DDX52: variants seen among roughly 807,000 people sequenced by gnomAD.
DDX52 encodes DExD-box helicase 52.
In DDX52, 59 loss-of-function variants were observed where a neutral mutation model predicts 76.1. The ratio of observed to expected loss-of-function variants is 0.78; its 90% confidence interval spans 0.63 to 0.96. The LOEUF (loss-of-function observed/expected upper bound fraction) is 0.96. Ranked by LOEUF, DDX52 falls within the 40% of genes least tolerant of loss-of-function variation. DDX52 has a pLI of 0.00. For missense variants in DDX52, 707 were observed against 703.9 expected (o/e 1.00, Z -0.05); for synonymous variants, 231 against 244.1 (o/e 0.95, Z 0.50).
Position 37,642,218 on chromosome 17 carries a change from C to T in DDX52, c.178G>A (p.Gly60Arg). Residue 60 changes from glycine to arginine, a missense_variant, in exon 2 of 15, where the codon GGA becomes AGA. Transcript: ENST00000617633. The part of the protein sequence containing the change: ...GNKKSVPGVC[G>R]ASQTHQKPQN... ...GGCTTCTGATGTGTTTGTGATGCTCCACACACACCTGGGACAGACTTCTTG... is the reference window on the plus strand; with the variant it reads ...GGCTTCTGATGTGTTTGTGATGCTCTACACACACCTGGGACAGACTTCTTG... 6.2e-7 allele frequency: 1 copy of T among 1,614,014 alleles called. No homozygotes were observed. Among genetic ancestry groups the T allele is most frequent in the South Asian group, 1.1e-5 (1 of 91,076 alleles).
chr17:37,618,417 T>C, intron 13 of DDX52, 33 bp from the exon 14 acceptor site: 1 of 1,506,716 alleles, frequency 6.6e-7, no homozygotes, highest in Non-Finnish European at 9.0e-7. Context: ...GGAAAAGAAT[T>C]AAGTGCAACT....
rs181850590 is a variant in DDX52, at chr17:37,610,333, C to T, written c.*3963G>A. 1 of 108,600 alleles carries T rather than the reference C, an allele frequency of 9.2e-6. No individual in the cohort carries two copies. The highest frequency in any genetic ancestry group is 3.2e-4 in the East Asian group (1 of 3,160). 6.7% of individuals were successfully genotyped at this position (108,600 alleles called of 1,614,324 possible). A position where few individuals can be genotyped will look rare whatever the true frequency, so the allele number is the denominator to read the frequency against. Reference sequence around the variant, plus strand: ...TTTTTTTTTTTTGTAGAGATAGGATCTATGTTGCCCAGGCTAGTTTCAAAC... The same window carrying T: ...TTTTTTTTTTTTGTAGAGATAGGATTTATGTTGCCCAGGCTAGTTTCAAAC... On this transcript the variant is annotated 3_prime_UTR_variant, in exon 15 of 15. Coordinates refer to ENST00000617633, the MANE Select transcript of DDX52 (RefSeq NM_007010.5).
At chr17:37,641,026 A>C (rs2031169689) in intron 2 of DDX52, among the ~76,000 whole-genome samples, 1 of 152,126 alleles carries the variant, frequency 6.6e-6, no homozygotes, top group South Asian at 2.1e-4. Flanking sequence ...AACCTCTGTC[A>C]AAATGGGCAA....
chr17:37,639,281 C>T (rs1050634184), intron 2 of DDX52, among the ~76,000 whole-genome samples: 1 of 151,918 alleles, frequency 6.6e-6, no homozygotes, highest in African/African-American at 2.4e-5. Flanking sequence ...ACAACGTACA[C>T]GAAGAGACAA....
chr17:37,629,035 T>C (rs2030538071), intron 5 of DDX52, among the ~76,000 whole-genome samples: 1 of 151,894 alleles, frequency 6.6e-6, no homozygotes, highest in Non-Finnish European at 1.5e-5. Flanking sequence ...CTGGCCAACG[T>C]GGTAAAACCC....
At chr17:37,627,709 GAAAA>G (rs10673620) in intron 6 of DDX52, among the ~76,000 whole-genome samples, 1 of 131,348 alleles carries the variant, frequency 7.6e-6, no homozygotes, top group Admixed American at 7.6e-5. Flanking sequence ...AAAACAAAAA[GAAAA>G]AAAAAAAAAA....
At chr17:37,623,371 G>A (rs1218491350) in intron 9 of DDX52, among the ~76,000 whole-genome samples, 8 of 150,828 alleles carry the variant, frequency 5.3e-5, no homozygotes, top group Admixed American at 5.3e-4. Context: ...CTTGCAGTGA[G>A]CCAAGATGAC....
At chr17:37,629,227 A>C (rs1288117985) in intron 5 of DDX52, among the ~76,000 whole-genome samples, 1 of 88,348 alleles carries the variant, frequency 1.1e-5, no homozygotes, top group Admixed American at 1.4e-4. Context: ...CCAAGAAAAA[A>C]TACACACACA....
intron 6 of DDX52, 74 bp from the exon 7 acceptor site, chr17:37,626,934 A>G (rs1339172003): frequency 1.7e-6 from 2 of 1,194,666 alleles, no homozygotes; most frequent in Non-Finnish European, 2.4e-6. Context: ...AAGCCTCCTC[A>G]ACTTCAGTTA....
At chr17:37,636,638 C>A (rs2030941362) in intron 2 of DDX52, among the ~76,000 whole-genome samples, 1 of 152,178 alleles carries the variant, frequency 6.6e-6, no homozygotes, top group South Asian at 2.1e-4. Flanking sequence ...CAAGAACAAA[C>A]TCCAAATTTA....
At chr17:37,634,351 G>GC (rs961586625) in intron 2 of DDX52, among the ~76,000 whole-genome samples, 11 of 151,844 alleles carry the variant, frequency 7.2e-5, no homozygotes. Context: ...GCAATGAACG[G>GC]CCAGGTGCGG....
In DDX52 at chr17:37,611,824, G is replaced by C. The variant is rs1321567082; in HGVS notation, c.*2472C>G. 1.3e-5 allele frequency: 2 copies of C among 150,816 alleles called. No individual in the cohort carries two copies. Among genetic ancestry groups the C allele is most frequent in the African/African-American group, 4.9e-5 (2 of 41,166 alleles). 9.3% of individuals were successfully genotyped at this position (150,816 alleles called of 1,614,324 possible). On this transcript the variant is annotated 3_prime_UTR_variant, in exon 15 of 15. Coordinates refer to ENST00000617633, the MANE Select transcript of DDX52 (RefSeq NM_007010.5). ...AAAATTTAAAAATTAGCTGAGTGTT[G>C]GTGGCCCGCACCTATAGTACCAGCT...
rs115702800 is a variant in DDX52, at chr17:37,616,724, A to G, written c.1742+1568T>C. On this transcript the variant is annotated intron_variant, in intron 14 of 14. Coordinates refer to ENST00000617633, the MANE Select transcript of DDX52 (RefSeq NM_007010.5). ...CCAAAACTGAATAAGTACAAATGGA[A>G]TTTGTACTTATTGATTGATTGACTA... Among the ~76,000 whole-genome samples the G allele has an allele frequency of 5.6e-3, 851 of 152,090 alleles. 7 individuals are homozygous for G. Among genetic ancestry groups the G allele is most frequent in the African/African-American group, 0.019 (784 of 41,496 alleles).
chr17:37,619,806 A>G lies in DDX52; in HGVS notation c.1611T>C (p.Pro537=), dbSNP rs535937087. The G allele has an allele frequency of 1.8e-5, 29 of 1,614,024 alleles. No homozygotes were observed. Among genetic ancestry groups the G allele is most frequent in the Non-Finnish European group, 2.4e-5 (28 of 1,179,972 alleles). ...VANVIQQAGC[P]VPEYIKGFQK... is the part of the protein sequence containing the mutation. ...GAAAACCTTTTATGTATTCTGGTAC[A>G]GGACACCCAGCCTGCTGTATAACAT... is the stretch of plus-strand genomic sequence containing the variant. The change falls in exon 13 of 15, where the codon CCT becomes CCC. Residue 537 remains proline, a synonymous_variant. Transcript: ENST00000617633.
intron 7 of DDX52, 114 bp downstream of exon 7, chr17:37,626,674 G>T: frequency 2.0e-6 from 2 of 980,704 alleles, no homozygotes; most frequent in South Asian, 2.9e-5. Context: ...TGCCAACACT[G>T]ACTGAAGGTG....
chr17:37,630,401 C>T lies in DDX52; in HGVS notation c.604-228G>A, dbSNP rs144471258. Among the ~76,000 whole-genome samples, 34 of 152,246 alleles carry T rather than the reference C, an allele frequency of 2.2e-4. No individual in the cohort carries two copies. The Middle Eastern group carries it at 0.01, about 46-fold the overall frequency. On this transcript the variant is annotated intron_variant, in intron 4 of 14. Transcript: ENST00000617633. The stretch of plus-strand genomic sequence containing the variant: ...TCCCTTTGAATGAGTGTAAAGAATA[C>T]GGGTAACTAAAACCCAAAGATAATC...
rs1568600549 is a variant in DDX52, at chr17:37,621,905, ATTT to A, written c.1228-388_1228-386del. On this transcript the variant is annotated intron_variant, in intron 9 of 14. Coordinates refer to ENST00000617633, the MANE Select transcript of DDX52 (RefSeq NM_007010.5). The stretch of plus-strand genomic sequence containing the variant: ...CACTGGGTTTTTTGGGGTGAAATTA[ATTT>A]TTTTATTCTTATGGATTTAGGGGTA... Among the ~76,000 whole-genome samples, 3 of 152,146 alleles carry A rather than the reference ATTT, an allele frequency of 2.0e-5. No homozygotes were observed. In the South Asian group the frequency reaches 6.2e-4, roughly 32 times the overall value.
chr17:37,620,593 C>G (rs1258473355), intron 12 of DDX52: 1 of 291,164 alleles, frequency 3.4e-6, no homozygotes, highest in Non-Finnish European at 6.3e-6. Context: ...AACTCATCTT[C>G]TACATTAAAA....
In DDX52 at chr17:37,642,132, T is replaced by C; in HGVS notation, c.264A>G (p.Lys88=). The part of the protein sequence containing the change: ...LTERKREQSK[K]KRKTMTSEIA... ...AACCTGAAGTCATCGTCTTCCTTTT[T>C]TTCTTGCTCTGCTCCCTCTTCCTTT... is the stretch of plus-strand genomic sequence containing the variant. The change falls in exon 2 of 15, where the codon AAA becomes AAG. Residue 88 remains lysine (K), a synonymous_variant. Transcript: ENST00000617633. 1 of 1,613,540 alleles carries C rather than the reference T, an allele frequency of 6.2e-7. No individual in the cohort carries two copies. The highest frequency in any genetic ancestry group is 1.1e-5 in the South Asian group (1 of 90,954).
Sources: allele counts gnomAD v4.1 joint callset (sites outside exome capture counted in the v4.1 genomes callset), GRCh38; gene constraint gnomAD v4.1.1; transcripts MANE v1.5; gene names NCBI Gene and HGNC (gene_info 2026-07-23, HGNC 2026-07-21).